Variants in TM9SF3 observed in about 807,000 individuals in gnomAD.
TM9SF3 encodes SM-11044-binding protein.
Under a neutral mutation model 78.6 loss-of-function variants are expected in TM9SF3, and 14 were observed. That is an observed-to-expected ratio of 0.18 (90% confidence interval 0.12 to 0.28). The LOEUF (loss-of-function observed/expected upper bound fraction) is 0.28. Among genes scored for constraint, TM9SF3 ranks in the 10% least tolerant of loss-of-function variants. The probability of loss-of-function intolerance (pLI) is 1.00; values close to 1 mark genes in which losing one functional copy is unlikely to be tolerated. For missense variants in TM9SF3, 496 were observed against 721.9 expected (o/e 0.69, Z 3.59); for synonymous variants, 231 against 241.7 (o/e 0.96, Z 0.41).
chr10:96,534,432 G>T (rs576902605), intron 9 of TM9SF3, among the ~76,000 whole-genome samples: 1 of 152,242 alleles, frequency 6.6e-6, no homozygotes, highest in South Asian at 2.1e-4. Flanking sequence ...TAAGCATTAT[G>T]TTATGAACTA....
intron 7 of TM9SF3, among the ~76,000 whole-genome samples, chr10:96,550,755 CA>C (rs1848160052): frequency 1.3e-5 from 2 of 151,526 alleles, no homozygotes; most frequent in African/African-American, 4.8e-5. Flanking sequence ...GTTTTTTTTT[CA>C]AAGAAGTCAT....
chr10:96,527,972 G>T (rs1356827895), intron 12 of TM9SF3, 59 bp downstream of exon 12: 1 of 1,532,502 alleles, frequency 6.5e-7, no homozygotes. Flanking sequence ...GATTTCAAAG[G>T]AAATCTTATT....
intron 5 of TM9SF3, among the ~76,000 whole-genome samples, chr10:96,555,174 T>C (rs1234108337): frequency 6.6e-6 from 1 of 152,160 alleles, no homozygotes; most frequent in Non-Finnish European, 1.5e-5. Flanking sequence ...ATCTAAACTA[T>C]TTTCTCCAAT....
chr10:96,563,156 G>A (rs1241258309), intron 3 of TM9SF3, among the ~76,000 whole-genome samples: 1 of 152,092 alleles, frequency 6.6e-6, no homozygotes, highest in Non-Finnish European at 1.5e-5. Flanking sequence ...GCTCACTGCA[G>A]TCTCAAACTC....
chr10:96,558,899 C>A lies in TM9SF3; in HGVS notation c.660+760G>T, dbSNP rs1848269202. Among the ~76,000 whole-genome samples the A allele has an allele frequency of 1.3e-5, 2 of 152,146 alleles. 1 individual carries two copies. Among genetic ancestry groups the A allele is most frequent in the East Asian group, 3.9e-4 (2 of 5,194 alleles). On this transcript the variant is annotated intron_variant, in intron 5 of 14. Transcript: ENST00000371142. ...AGGAAGAAATTCAGAAGAAGGGATA[C>A]CCTTATGCCTTGTCTTTTTATCTCC...
rs552906648 is a variant in TM9SF3, at chr10:96,554,428, G to A, written c.661-1369C>T. Among the ~76,000 whole-genome samples the A allele has an allele frequency of 1.3e-3, 201 of 152,104 alleles. 1 individual carries two copies. Among genetic ancestry groups the A allele is most frequent in the Non-Finnish European group, 2.2e-3 (149 of 67,998 alleles). On this transcript the variant is annotated intron_variant, in intron 5 of 14. Transcript: ENST00000371142. ...AAGGCCTGCAATGAACTTCTAAACC[G>A]ATTCAGCAGCCAATTATCTGCCTCA...
chr10:96,565,165 G>C lies in TM9SF3; in HGVS notation c.421+139C>G, dbSNP rs145735737. On this transcript the variant is annotated intron_variant, in intron 3 of 14. Transcript: ENST00000371142. ...TCAAGCAACAGGTGACCATAAAACT[G>C]GTATTAAAATCATTCTGTAAAAAAC... The C allele has an allele frequency of 1.0e-5, 8 of 787,330 alleles. No individual in the cohort carries two copies. In the Admixed American group the frequency reaches 1.3e-4, roughly 13 times the overall value. 48.8% of individuals were successfully genotyped at this position (787,330 alleles called of 1,614,324 possible).
intron 2 of TM9SF3, among the ~76,000 whole-genome samples, chr10:96,571,796 A>G (rs1246332305): frequency 3.9e-5 from 6 of 152,220 alleles, no homozygotes; most frequent in African/African-American, 1.4e-4. Context: ...AACAGAAGGA[A>G]GGAGTCCTGT....
chr10:96,527,086 G>A, intron 14 of TM9SF3, 127 bp downstream of exon 14: 1 of 684,052 alleles, frequency 1.5e-6, no homozygotes, highest in Non-Finnish European at 2.4e-6. Context: ...ACTGAAATCA[G>A]ACTCGGGTTT....
At chr10:96,544,645 T>C (rs1215808077) in intron 8 of TM9SF3, among the ~76,000 whole-genome samples, 1 of 152,208 alleles carries the variant, frequency 6.6e-6, no homozygotes, top group Non-Finnish European at 1.5e-5. Context: ...CCCTTACCCC[T>C]GCTTCAACCA....
At chr10:96,569,425 C>T (rs929134120) in intron 2 of TM9SF3, among the ~76,000 whole-genome samples, 1 of 152,166 alleles carries the variant, frequency 6.6e-6, no homozygotes, top group Non-Finnish European at 1.5e-5. Context: ...TCAATAACTG[C>T]TGAATTAACT....
At position 96,520,967 on chromosome 10, in the gene TM9SF3, T is replaced by A; in HGVS notation, c.*1296A>T. 1 of 396,938 alleles carries A rather than the reference T, an allele frequency of 2.5e-6. No individual in the cohort carries two copies. The highest frequency in any genetic ancestry group is 3.6e-5 in the East Asian group (1 of 28,006). 24.6% of individuals were successfully genotyped at this position (396,938 alleles called of 1,614,324 possible). Reference sequence around the variant, plus strand: ...AAGATATCTTCAAATTGCAAACACATCTATTTCCACAAAACAATTTGGTCA... The same window carrying A: ...AAGATATCTTCAAATTGCAAACACAACTATTTCCACAAAACAATTTGGTCA... On this transcript the variant is annotated 3_prime_UTR_variant, in exon 15 of 15. Transcript: ENST00000371142.
chr10:96,538,176 T>C (rs1475350268), intron 9 of TM9SF3, among the ~76,000 whole-genome samples: 3 of 152,028 alleles, frequency 2.0e-5, no homozygotes, highest in African/African-American at 7.2e-5. Flanking sequence ...CAAATTGAAA[T>C]AGAACAAATC....
chr10:96,530,425 G>A, intron 11 of TM9SF3, 115 bp downstream of exon 11: 1 of 795,572 alleles, frequency 1.3e-6, no homozygotes, highest in Non-Finnish European at 2.0e-6. Flanking sequence ...TGGAATCATG[G>A]AATTAACAGA....
intron 2 of TM9SF3, among the ~76,000 whole-genome samples, chr10:96,567,349 T>G (rs1292809588): frequency 6.6e-6 from 1 of 152,172 alleles, no homozygotes; most frequent in African/African-American, 2.4e-5. Context: ...CCTCCCAAAG[T>G]GCTGGGATTA....
At chr10:96,566,205 A>G (rs533365955) in intron 2 of TM9SF3, among the ~76,000 whole-genome samples, 2 of 152,244 alleles carry the variant, frequency 1.3e-5, no homozygotes, top group Non-Finnish European at 2.9e-5. Flanking sequence ...AAAAAAATTA[A>G]GAAATCATTC....
intron 8 of TM9SF3, among the ~76,000 whole-genome samples, chr10:96,546,612 G>T (rs561302351): frequency 6.6e-6 from 1 of 152,016 alleles, no homozygotes; most frequent in South Asian, 2.1e-4. Context: ...CCACACCTGC[G>T]AGTCGAATTT....
intron 1 of TM9SF3, among the ~76,000 whole-genome samples, 195 bp downstream of exon 1, chr10:96,586,539 C>T (rs1848632708): frequency 6.6e-6 from 1 of 152,114 alleles, no homozygotes; most frequent in Non-Finnish European, 1.5e-5. Context: ...GGGAGCGGAG[C>T]CCTGTCCCGG....
intron 9 of TM9SF3, among the ~76,000 whole-genome samples, chr10:96,540,708 G>A (rs1031021081): frequency 6.4e-5 from 9 of 140,752 alleles, no homozygotes; most frequent in East Asian, 2.0e-4. Flanking sequence ...TTGCTTTAGC[G>A]TTTGTGAACA....
Sources: allele counts gnomAD v4.1 joint callset (sites outside exome capture counted in the v4.1 genomes callset), GRCh38; gene constraint gnomAD v4.1.1; transcripts MANE v1.5; gene names NCBI Gene and HGNC (gene_info 2026-07-23, HGNC 2026-07-21).